Variants in KCNIP1 observed in about 807,000 individuals in gnomAD.
KCNIP1 encodes A-type potassium channel modulatory protein KCNIP1.
Under a neutral mutation model 33.0 loss-of-function variants are expected in KCNIP1, and 18 were observed. The ratio of observed to expected loss-of-function variants is 0.55; its 90% CI spans 0.38 to 0.81. The LOEUF (loss-of-function observed/expected upper bound fraction) is 0.81. Ranked by LOEUF, KCNIP1 falls within the 30% of genes least tolerant of loss-of-function variation. KCNIP1 has a pLI of 0.00. For synonymous variants in KCNIP1, 93 were observed against 98.3 expected (o/e 0.95, Z 0.32); for missense variants, 238 against 271.6 (o/e 0.88, Z 0.87).
chr5:170,524,501 A>G (rs571392941), intron 1 of KCNIP1, among the ~76,000 whole-genome samples: 1 of 152,262 alleles, frequency 6.6e-6, no homozygotes, highest in South Asian at 2.1e-4. Flanking sequence ...TCCCATCTAT[A>G]ATGTAGAAAT....
At chr5:170,637,423 C>T (rs951640453) in intron 1 of KCNIP1, among the ~76,000 whole-genome samples, 1 of 152,154 alleles carries the variant, frequency 6.6e-6, no homozygotes, top group African/African-American at 2.4e-5. Context: ...CTGTACACGC[C>T]TCTGCACAGA....
At chr5:170,533,389 C>T (rs566385372) in intron 1 of KCNIP1, among the ~76,000 whole-genome samples, 21 of 152,314 alleles carry the variant, frequency 1.4e-4, no homozygotes, top group East Asian at 9.7e-4. Context: ...TCCTACGCTG[C>T]GGGTACTGTT....
intron 1 of KCNIP1, among the ~76,000 whole-genome samples, chr5:170,569,091 T>C (rs1031249058): frequency 6.6e-6 from 1 of 152,216 alleles, no homozygotes; most frequent in African/African-American, 2.4e-5. Flanking sequence ...AAGCTCCAAG[T>C]GCTGCCCCCT....
At chr5:170,525,020 G>A (rs115790278) in intron 1 of KCNIP1, among the ~76,000 whole-genome samples, 6,886 of 152,262 alleles carry the variant, frequency 0.045, 232 homozygotes, top group Non-Finnish European at 0.062. Context: ...CGGTGGCAGC[G>A]TTAGGAGGGG....
intron 1 of KCNIP1, among the ~76,000 whole-genome samples, chr5:170,612,572 G>C (rs1228676875): frequency 6.6e-6 from 1 of 152,158 alleles, no homozygotes; most frequent in African/African-American, 2.4e-5. Flanking sequence ...TGAGCCAGAG[G>C]TCAGGAATCA....
At chr5:170,386,435 T>A (rs1341567081) in intron 1 of KCNIP1, among the ~76,000 whole-genome samples, 2 of 152,220 alleles carry the variant, frequency 1.3e-5, no homozygotes, top group Non-Finnish European at 2.9e-5. Flanking sequence ...TTCTGTCGTT[T>A]GAGGCCGTCA....
chr5:170,452,776 C>A (rs959461), intron 1 of KCNIP1, among the ~76,000 whole-genome samples: 123,966 of 152,180 alleles, frequency 0.81, 50,644 homozygotes, highest in East Asian at 0.93. Context: ...GAAATTGCAA[C>A]TATAATTGAA....
At chr5:170,656,722 C>A (rs1761280021) in intron 1 of KCNIP1, among the ~76,000 whole-genome samples, 1 of 152,216 alleles carries the variant, frequency 6.6e-6, no homozygotes, top group South Asian at 2.1e-4. Context: ...ATCTCATAGA[C>A]ATTTTCCTCC....
Position 170,437,889 on chromosome 5 carries a change from C to T in KCNIP1, c.88+83925C>T, listed in dbSNP as rs188057390. Among the ~76,000 whole-genome samples the T allele has an allele frequency of 9.2e-5, 14 of 152,326 alleles. No individual in the cohort carries two copies. In the South Asian group the frequency reaches 1.7e-3, roughly 18 times the overall value. On this transcript the variant is annotated intron_variant, in intron 1 of 7. Coordinates refer to the KCNIP1 transcript ENST00000377360. ...ATCTCCTGGGCCATCAGCACATGACCGAACAAACCTTGGGCCACCAAGCTC... is the reference window on the plus strand; with the variant it reads ...ATCTCCTGGGCCATCAGCACATGACTGAACAAACCTTGGGCCACCAAGCTC...
intron 1 of KCNIP1, among the ~76,000 whole-genome samples, chr5:170,373,359 G>C (rs1355229497): frequency 6.6e-6 from 1 of 152,186 alleles, no homozygotes; most frequent in African/African-American, 2.4e-5. Flanking sequence ...TGTGGGAGGG[G>C]CCTGGAGGCC....
chr5:170,503,715 G>GCACAT, upstream of KCNIP1, among the ~76,000 whole-genome samples: 2 of 129,424 alleles, frequency 1.5e-5, no homozygotes, highest in African/African-American at 2.9e-5. Flanking sequence ...ACACACGCAC[G>GCACAT]CACGCACATC....
chr5:170,364,705 T>C (rs1763610763), intron 1 of KCNIP1, among the ~76,000 whole-genome samples: 2 of 152,250 alleles, frequency 1.3e-5, no homozygotes, highest in South Asian at 4.1e-4. Flanking sequence ...TGCCTTGCTT[T>C]TCTGCACAGC....
intron 1 of KCNIP1, among the ~76,000 whole-genome samples, chr5:170,583,803 C>T (rs1757886173): frequency 2.6e-5 from 4 of 152,174 alleles, no homozygotes; most frequent in Admixed American, 6.5e-5. Context: ...CTCTGTCCCC[C>T]AGTAGCTCAG....
intron 1 of KCNIP1, among the ~76,000 whole-genome samples, chr5:170,359,456 C>G (rs915134454): frequency 6.6e-6 from 1 of 152,176 alleles, no homozygotes; most frequent in Non-Finnish European, 1.5e-5. Flanking sequence ...CAATGCTGCC[C>G]CTTGCTGGGG....
intron 1 of KCNIP1, among the ~76,000 whole-genome samples, chr5:170,387,358 C>T (rs544405435): frequency 8.5e-5 from 13 of 152,282 alleles, no homozygotes; most frequent in East Asian, 5.8e-4. Flanking sequence ...TCTGCTCAGG[C>T]GTCTCTTAAC....
chr5:170,490,520 G>A (rs1229325150), intron 1 of KCNIP1, among the ~76,000 whole-genome samples: 1 of 152,172 alleles, frequency 6.6e-6, no homozygotes, highest in Non-Finnish European at 1.5e-5. Context: ...TCCAAGCAAG[G>A]TGTGTGGACC....
chr5:170,473,985 C>G (rs895062074), intron 1 of KCNIP1, among the ~76,000 whole-genome samples: 1 of 152,130 alleles, frequency 6.6e-6, no homozygotes, highest in African/African-American at 2.4e-5. Context: ...CAGGACACAC[C>G]ACTCCAAAAT....
At chr5:170,721,561 T>C (rs556712607) in intron 3 of KCNIP1, among the ~76,000 whole-genome samples, 1 of 152,204 alleles carries the variant, frequency 6.6e-6, no homozygotes, top group East Asian at 1.9e-4. Flanking sequence ...GTGCCATTCA[T>C]ACACCAACGA....
intron 1 of KCNIP1, among the ~76,000 whole-genome samples, chr5:170,446,701 C>T (rs1341706996): frequency 6.6e-6 from 1 of 152,200 alleles, no homozygotes; most frequent in African/African-American, 2.4e-5. Context: ...CTCGGCCTCC[C>T]AAAATGCTGG....
Sources: gnomAD v4.1 joint callset for allele counts (sites outside exome capture counted in the v4.1 genomes callset) on GRCh38, gnomAD v4.1.1 for gene constraint, MANE v1.5 for transcripts, NCBI Gene and HGNC (gene_info 2026-07-23, HGNC 2026-07-21) for gene names.